Variants in DSCAM observed in about 807,000 individuals in gnomAD.
DSCAM encodes the protein cell adhesion molecule DSCAM.
Under a neutral mutation model 217.7 loss-of-function variants are expected in DSCAM, and 47 were observed. The ratio of observed to expected loss-of-function variants is 0.22; its 90% CI spans 0.17 to 0.28. The LOEUF (loss-of-function observed/expected upper bound fraction) is 0.28, where lower values mean the gene tolerates loss of function less well. Ranked by LOEUF, DSCAM falls within the 10% of genes least tolerant of loss-of-function variation. The pLI is 1.00. For missense variants in DSCAM, 2,080 were observed against 2,618.3 expected, an observed-to-expected ratio of 0.79 and a Z score of 4.49; for synonymous variants, 1,056 against 1,015.3, an observed-to-expected ratio of 1.04 and a Z score of -0.76.
At chr21:40,496,078 T>C (rs759515567) in intron 3 of DSCAM, among the ~76,000 whole-genome samples, 85 of 152,296 alleles carry the variant, frequency 5.6e-4, no homozygotes, top group Middle Eastern at 3.4e-3. Context: ...GAATAATTAA[T>C]GTTGTTAAGA....
chr21:40,078,243 G>A (rs2089397137), intron 26 of DSCAM, among the ~76,000 whole-genome samples: 1 of 152,142 alleles, frequency 6.6e-6, no homozygotes, highest in East Asian at 1.9e-4. Flanking sequence ...ACTAACATAA[G>A]CTCCTTTACC....
chr21:40,296,270 A>G (rs1424362865), intron 9 of DSCAM, 96 bp from the exon 10 acceptor site: 6 of 1,404,578 alleles, frequency 4.3e-6, no homozygotes, highest in Non-Finnish European at 5.9e-6. Flanking sequence ...TGAATATTAA[A>G]ATATGAAGAC....
At chr21:40,525,547 C>T (rs7275714) in intron 3 of DSCAM, among the ~76,000 whole-genome samples, 4,521 of 152,264 alleles carry the variant, frequency 0.03, 209 homozygotes, top group African/African-American at 0.098. Context: ...TAAACACTTC[C>T]GTGAATGTAT....
At chr21:40,504,621 A>C (rs1267378522) in intron 3 of DSCAM, among the ~76,000 whole-genome samples, 1 of 152,154 alleles carries the variant, frequency 6.6e-6, no homozygotes, top group Non-Finnish European at 1.5e-5. Context: ...GGCTCAAATA[A>C]TGCGTGACAC....
chr21:40,494,306 A>G (rs1429816969), intron 3 of DSCAM, among the ~76,000 whole-genome samples: 2 of 152,196 alleles, frequency 1.3e-5, no homozygotes. Context: ...GCTGCTTGTA[A>G]GACAGTCACT....
At position 40,016,314 on chromosome 21, in the gene DSCAM, A is replaced by C. The variant is rs1297062964; in HGVS notation, c.5687-2928T>G. ...TAGGGGTGACTCCTTCCCAGGCTCT[A>C]AGCTCAGGAAACTGTGTGGACAGTG... On this transcript the variant is annotated intron_variant, in intron 32 of 32. Coordinates refer to ENST00000400454, the MANE Select transcript of DSCAM (RefSeq NM_001389.5). This position sits in a 1 kb window ranked among gnomAD's most constrained non-coding sequence, Gnocchi z 4.3. 6.6e-6 allele frequency among the ~76,000 whole-genome samples: 1 copy of C among 152,218 alleles called. No homozygotes were observed. Among genetic ancestry groups the C allele is most frequent in the African/African-American group, 2.4e-5 (1 of 41,456 alleles).
chr21:40,540,722 TC>T (rs1035092911), intron 3 of DSCAM, among the ~76,000 whole-genome samples: 1 of 152,036 alleles, frequency 6.6e-6, no homozygotes. Flanking sequence ...CTAAAAGAGC[TC>T]CCCCATCCCT....
chr21:40,250,067 C>A (rs2073281052), intron 11 of DSCAM, among the ~76,000 whole-genome samples: 1 of 152,234 alleles, frequency 6.6e-6, no homozygotes. Flanking sequence ...GTTCTACTCA[C>A]ATTGACCTTG....
At chr21:40,214,643 A>G (rs879046433) in intron 11 of DSCAM, among the ~76,000 whole-genome samples, 4 of 151,084 alleles carry the variant, frequency 2.6e-5, no homozygotes, top group Admixed American at 1.3e-4. Flanking sequence ...CTACAGGTAA[A>G]GGGTGGAAAA....
chr21:40,286,998 T>C lies in DSCAM; in HGVS notation c.2182+9057A>G, dbSNP rs527910908. ...TTGCAGTGTGATCCACAGTGTGATC[T>C]GCAGTATGATCTGCAGGTATCTGCG... is the stretch of plus-strand genomic sequence containing the variant. On this transcript the variant is annotated intron_variant, in intron 10 of 32. Coordinates refer to ENST00000400454, the MANE Select transcript of DSCAM (RefSeq NM_001389.5). Among the ~76,000 whole-genome samples the C allele has an allele frequency of 3.7e-5, 5 of 135,610 alleles. No individual in the cohort carries two copies. In the South Asian group the frequency reaches 9.0e-4, roughly 25 times the overall value. 89.0% of individuals were successfully genotyped at this position (135,610 alleles called of 152,430 possible).
rs185456724 is a variant in DSCAM at position 40,651,960 on chromosome 21, C to G, written c.508+40850G>C. ...GGCACAAAAGAGGTCAGCCCCCCCA[C>G]CTTTTTCTCTGCTGGCCCCACCTGC... On this transcript the variant is annotated intron_variant, in intron 3 of 32. Transcript: ENST00000400454. 4.9e-3 allele frequency among the ~76,000 whole-genome samples: 741 copies of G among 152,322 alleles called. 2 individuals are homozygous for G. The highest frequency in any genetic ancestry group is 0.01 in the Middle Eastern group (3 of 294).
At position 40,411,173 on chromosome 21, in the gene DSCAM, T is replaced by TAC. The variant is rs1491582508; in HGVS notation, c.509-41929_509-41928insGT. On this transcript the variant is annotated intron_variant, in intron 3 of 32. Transcript: ENST00000400454. ...ATTACTTGAAGATAGACAGTAATTATATACACACACACACACACACACACA... is the reference window on the plus strand; with the variant it reads ...ATTACTTGAAGATAGACAGTAATTATACATACACACACACACACACACACACA... Among the ~76,000 whole-genome samples the TAC allele has an allele frequency of 3.6e-3, 491 of 134,842 alleles. 16 individuals carry two copies. Among genetic ancestry groups the TAC allele is most frequent in the African/African-American group, 6.9e-3 (229 of 33,284 alleles). 88.5% of individuals were successfully genotyped at this position (134,842 alleles called of 152,430 possible). A position where few individuals can be genotyped will look rare whatever the true frequency, so the allele number is the denominator to read the frequency against.
At chr21:40,821,848 C>A (rs2091930843) in intron 1 of DSCAM, among the ~76,000 whole-genome samples, 1 of 151,912 alleles carries the variant, frequency 6.6e-6, no homozygotes, top group African/African-American at 2.4e-5. Flanking sequence ...ACAACACACA[C>A]TGGGGCCTAT....
At chr21:40,595,382 A>AAAAAG (rs3070784) in intron 3 of DSCAM, among the ~76,000 whole-genome samples, 49,359 of 150,366 alleles carry the variant, frequency 0.33, 8,311 homozygotes, top group South Asian at 0.46. Flanking sequence ...TGTCTCAAAA[A>AAAAAG]AAAAGAAAAG....
chr21:40,097,679 C>A (rs1290533154), intron 20 of DSCAM, among the ~76,000 whole-genome samples: 1 of 152,054 alleles, frequency 6.6e-6, no homozygotes, highest in African/African-American at 2.4e-5. Flanking sequence ...CGGTGGCTCA[C>A]GCCTGTAATC....
Position 40,525,009 on chromosome 21 carries a change from C to CAAAAAAAAAA in DSCAM, c.509-155774_509-155765dup, listed in dbSNP as rs58427418. On this transcript the variant is annotated intron_variant, in intron 3 of 32. Coordinates refer to ENST00000400454, the MANE Select transcript of DSCAM (RefSeq NM_001389.5). Reference sequence around the variant, plus strand: ...TGGGCAACAGAGTGAGACTCAGTCTCAAAAAAAAAAAAAAAAAAAAAATCC... The same window carrying CAAAAAAAAAA: ...TGGGCAACAGAGTGAGACTCAGTCTCAAAAAAAAAAAAAAAAAAAAAAAAAAAAAAAATCC... Among the ~76,000 whole-genome samples the CAAAAAAAAAA allele has an allele frequency of 3.9e-3, 219 of 56,076 alleles. 10 individuals are homozygous for CAAAAAAAAAA. The highest frequency in any genetic ancestry group is 0.011 in the African/African-American group (185 of 17,102). The allele number at this position is 56,076 out of a possible 152,430, so 36.8% of individuals were successfully genotyped here.
intron 3 of DSCAM, among the ~76,000 whole-genome samples, chr21:40,628,458 G>A (rs1338120834): frequency 2.0e-5 from 3 of 152,170 alleles, no homozygotes; most frequent in Non-Finnish European, 2.9e-5. Context: ...GGTCAAACCA[G>A]CTCACTGTTT....
intron 3 of DSCAM, among the ~76,000 whole-genome samples, chr21:40,425,215 G>T (rs1206648037): frequency 6.6e-6 from 1 of 152,074 alleles, no homozygotes; most frequent in Admixed American, 6.5e-5. Context: ...AAAAGATAAT[G>T]ATGTAGCTGA....
chr21:40,764,018 T>C (rs150736506), intron 1 of DSCAM, among the ~76,000 whole-genome samples: 2 of 152,274 alleles, frequency 1.3e-5, no homozygotes, highest in African/African-American at 4.8e-5. Flanking sequence ...GCAATATCAT[T>C]CAGGACATTG....
Sources: allele counts gnomAD v4.1 joint callset (sites outside exome capture counted in the v4.1 genomes callset), GRCh38; gene constraint gnomAD v4.1.1; non-coding constraint Gnocchi (gnomAD v3.1); transcripts MANE v1.5; gene names NCBI Gene and HGNC (gene_info 2026-07-23, HGNC 2026-07-21).